Variants in DNAH9 observed in about 807,000 individuals in gnomAD.
The protein encoded by DNAH9 is DNAH9 variant protein.
In DNAH9, 345 loss-of-function variants were observed where a neutral mutation model predicts 471.6. That is an observed-to-expected ratio of 0.73 (90% CI 0.67 to 0.80). DNAH9 has a LOEUF of 0.80. Among genes scored for constraint, DNAH9 ranks in the 30% least tolerant of loss-of-function variants. DNAH9 has a pLI of 0.00. For synonymous variants in DNAH9, 2,093 were observed against 2,123.6 expected (o/e 0.99, Z 0.40); for missense variants, 5,407 against 5,609.2 (o/e 0.96, Z 1.15).
intron 1 of DNAH9, among the ~76,000 whole-genome samples, chr17:11,599,481 T>G (rs2072338487): frequency 6.6e-6 from 1 of 152,146 alleles, no homozygotes; most frequent in Non-Finnish European, 1.5e-5. Flanking sequence ...ATTCATTCAT[T>G]ACCAACCATT....
rs1468751546 is a variant in DNAH9 at position 11,942,203 on chromosome 17, C to G, written c.12661-100C>G. 2.7e-6 allele frequency: 4 copies of G among 1,476,194 alleles called. No homozygotes were observed. In the East Asian group the frequency reaches 9.1e-5, roughly 34 times the overall value. The allele number at this position is 1,476,194 out of a possible 1,614,324, so 91.4% of individuals were successfully genotyped here. ...TGTCAGTGGGTGGAGGGGCAGCAGA[C>G]GATGGGTGATTGGCATCTCTAGTCC... On this transcript the variant is annotated intron_variant, in intron 66 of 68. Transcript: ENST00000262442.
intron 61 of DNAH9, among the ~76,000 whole-genome samples, chr17:11,909,604 G>A (rs1015470678): frequency 1.4e-4 from 21 of 152,080 alleles, no homozygotes; most frequent in African/African-American, 4.8e-4. Context: ...CTCAGGAAAT[G>A]TAAGGAATAA....
chr17:11,719,536 A>C, intron 27 of DNAH9, 46 bp downstream of exon 27: 2 of 1,551,856 alleles, frequency 1.3e-6, no homozygotes, highest in Non-Finnish European at 1.8e-6. Context: ...GGGGATAGGA[A>C]CTCAGGGCAC....
intron 12 of DNAH9, among the ~76,000 whole-genome samples, chr17:11,650,577 A>G (rs1422657628): frequency 6.6e-6 from 1 of 152,238 alleles, no homozygotes; most frequent in African/African-American, 2.4e-5. Context: ...CTAAAGTTTT[A>G]TTATGGGCAC....
At chr17:11,963,374 C>T (rs1026755911) in intron 68 of DNAH9, among the ~76,000 whole-genome samples, 1 of 151,372 alleles carries the variant, frequency 6.6e-6, no homozygotes, top group East Asian at 1.9e-4. Context: ...GTGGAGGTTG[C>T]AGTGAGCCGA....
chr17:11,821,810 A>G lies in DNAH9; in HGVS notation c.8708-110A>G, dbSNP rs1273479687. 2.4e-6 allele frequency: 3 copies of G among 1,238,220 alleles called. No individual in the cohort carries two copies. The African/African-American group carries it at 4.5e-5, about 19-fold the overall frequency. 76.7% of individuals were successfully genotyped at this position (1,238,220 alleles called of 1,614,324 possible). On this transcript the variant is annotated intron_variant, in intron 45 of 68. Transcript: ENST00000262442. ...GCTTCACCAGCAAGAGAGTTGGTACATGGCCTAAAAACCACTGACCTGTGT... is the reference window on the plus strand; with the variant it reads ...GCTTCACCAGCAAGAGAGTTGGTACGTGGCCTAAAAACCACTGACCTGTGT...
At chr17:11,853,800 CT>C (rs1278267210) in intron 49 of DNAH9, among the ~76,000 whole-genome samples, 1 of 152,184 alleles carries the variant, frequency 6.6e-6, no homozygotes, top group Admixed American at 6.6e-5. Flanking sequence ...TGAGTCTTGG[CT>C]AACCATTCAG....
intron 2 of DNAH9, 152 bp downstream of exon 2, chr17:11,608,477 A>T: frequency 1.5e-6 from 1 of 659,860 alleles, no homozygotes; most frequent in Non-Finnish European, 2.5e-6. Flanking sequence ...CGACACCCTC[A>T]GACTGTGGAC....
rs1183846750 is a variant in DNAH9 at position 11,626,918 on chromosome 17, C to G, written c.1351-2499C>G. 6.6e-6 allele frequency among the ~76,000 whole-genome samples: 1 copy of G among 152,124 alleles called. No homozygotes were observed. Among genetic ancestry groups the G allele is most frequent in the Non-Finnish European group, 1.5e-5 (1 of 68,040 alleles). Reference sequence around the variant, plus strand: ...TTCACTCAACAAATGTGTTCAGGGTCAGGGACTCTTCCAGGCACTGGAAAT... The same window carrying G: ...TTCACTCAACAAATGTGTTCAGGGTGAGGGACTCTTCCAGGCACTGGAAAT... On this transcript the variant is annotated intron_variant, in intron 6 of 68. Coordinates refer to ENST00000262442, the MANE Select transcript of DNAH9 (RefSeq NM_001372.4). This position sits in a 1 kb window ranked among gnomAD's most constrained non-coding sequence, Gnocchi z 4.3.
intron 22 of DNAH9, among the ~76,000 whole-genome samples, chr17:11,698,400 AT>A (rs1275182180): frequency 6.8e-6 from 1 of 146,490 alleles, no homozygotes; most frequent in African/African-American, 2.5e-5. Flanking sequence ...TTTTATATAT[AT>A]ATATGCTCTT....
At chr17:11,758,925 A>G (rs564238031) in intron 35 of DNAH9, among the ~76,000 whole-genome samples, 1 of 152,256 alleles carries the variant, frequency 6.6e-6, no homozygotes, top group South Asian at 2.1e-4. Context: ...TGGGTGACCC[A>G]TGGGCTCTGT....
chr17:11,951,942 A>C (rs1423274841), intron 67 of DNAH9, among the ~76,000 whole-genome samples: 3 of 150,260 alleles, frequency 2.0e-5, no homozygotes, highest in Non-Finnish European at 4.4e-5. Flanking sequence ...AAAAAAAATT[A>C]ATTAAAAATT....
In DNAH9 at chr17:11,932,035, C is replaced by T. The variant is rs1567559191; in HGVS notation, c.12127C>T (p.Arg4043Trp). Reference sequence around the variant, plus strand: ...TCAGGACACTCTGGAGATGTGTTCTCGGGAGACGGAGTTTAAGAGCATCCT... The same window carrying T: ...TCAGGACACTCTGGAGATGTGTTCTTGGGAGACGGAGTTTAAGAGCATCCT... The part of the protein sequence containing the change: ...FTQDTLEMCS[R>W]ETEFKSILFA... Residue 4043 changes from arginine to tryptophan, a missense_variant, in exon 64 of 69, where the codon CGG becomes TGG. By Grantham distance (101) the Arg-to-Trp change is moderately radical. This residue lies in a region of DNAH9 where 4,636 missense variants were observed against 4,900.3 expected (regional missense o/e 0.95). Transcript: ENST00000262442. The surrounding 1 kb of genome is among the most constrained non-coding windows in gnomAD (Gnocchi z 4.3). The T allele has an allele frequency of 8.1e-6, 13 of 1,614,098 alleles. No individual in the cohort carries two copies. Among genetic ancestry groups the T allele is most frequent in the East Asian group, 2.2e-5 (1 of 44,874 alleles).
At chr17:11,685,379 G>A (rs188870974) in intron 19 of DNAH9, among the ~76,000 whole-genome samples, 81 of 152,366 alleles carry the variant, frequency 5.3e-4, no homozygotes, top group African/African-American at 1.8e-3. Context: ...GCAGGAAGCA[G>A]GAGAGGAGAA....
At chr17:11,866,557 A>T (rs902371382) in intron 50 of DNAH9, among the ~76,000 whole-genome samples, 1 of 152,192 alleles carries the variant, frequency 6.6e-6, no homozygotes, top group African/African-American at 2.4e-5. Context: ...AAGCTGTCAG[A>T]CAGAGACATT....
At chr17:11,678,799 TTAGC>T (rs1242740394) in intron 17 of DNAH9, among the ~76,000 whole-genome samples, 2 of 152,198 alleles carry the variant, frequency 1.3e-5, no homozygotes, top group African/African-American at 2.4e-5. Flanking sequence ...TAGAAAATGT[TTAGC>T]TAGACTCTTC....
At chr17:11,600,097 G>T (rs909457512) in intron 1 of DNAH9, among the ~76,000 whole-genome samples, 5 of 152,192 alleles carry the variant, frequency 3.3e-5, no homozygotes, top group African/African-American at 1.2e-4. Flanking sequence ...AGGACACAGA[G>T]GGCCCAGGAA....
At chr17:11,686,662 G>A (rs553979948) in intron 19 of DNAH9, among the ~76,000 whole-genome samples, 10 of 152,236 alleles carry the variant, frequency 6.6e-5, no homozygotes, top group African/African-American at 9.6e-5. Flanking sequence ...AAATTATGCC[G>A]CAGGGTGGAT....
At chr17:11,771,395 C>T (rs146665235) in intron 38 of DNAH9, among the ~76,000 whole-genome samples, 5,097 of 152,284 alleles carry the variant, frequency 0.033, 110 homozygotes, top group South Asian at 0.052. Context: ...TCCCAAAGTG[C>T]TGGGATTACA....
Sources: allele counts gnomAD v4.1 joint callset (sites outside exome capture counted in the v4.1 genomes callset), GRCh38; gene constraint gnomAD v4.1.1; regional missense constraint gnomAD v4.1.1; non-coding constraint Gnocchi (gnomAD v3.1); transcripts MANE v1.5; gene names NCBI Gene and HGNC (gene_info 2026-07-23, HGNC 2026-07-21).